FBXO3: variants seen among roughly 807,000 people sequenced by gnomAD.
The protein encoded by FBXO3 is F-box protein 3.
A neutral mutation model predicts 64.8 loss-of-function variants in FBXO3; 17 were observed. The ratio of observed to expected loss-of-function variants is 0.26; its 90% confidence interval spans 0.18 to 0.39. The LOEUF (loss-of-function observed/expected upper bound fraction) is 0.39, where lower values mean the gene tolerates loss of function less well. Among genes scored for constraint, FBXO3 ranks in the 10% least tolerant of loss-of-function variants. The pLI, the probability that FBXO3 is intolerant of heterozygous loss-of-function variation, is 1.00. For missense variants in FBXO3, 420 were observed against 589.9 expected (o/e 0.71, Z 2.98); for synonymous variants, 182 against 201.6 (o/e 0.90, Z 0.82).
In FBXO3 at chr11:33,751,335, T is replaced by C. The variant is rs761892780; in HGVS notation, c.809+188A>G. 1.2e-3 allele frequency among the ~76,000 whole-genome samples: 182 copies of C among 152,220 alleles called. 5 individuals carry two copies. Among genetic ancestry groups the C allele is most frequent in the Non-Finnish European group, 3.5e-4 (24 of 68,036 alleles). On this transcript the variant is annotated intron_variant, in intron 7 of 10. Coordinates refer to ENST00000265651, the MANE Select transcript of FBXO3 (RefSeq NM_012175.4). ...CTGGATAGGAAAAATACCAGTTGTCTAAGCATTTAGATGTTTGGCTTTAAA... is the reference window on the plus strand; with the variant it reads ...CTGGATAGGAAAAATACCAGTTGTCCAAGCATTTAGATGTTTGGCTTTAAA...
chr11:33,746,710 G>A (rs1854820796), intron 10 of FBXO3: 1 of 1,405,442 alleles, frequency 7.1e-7, no homozygotes, highest in Non-Finnish European at 9.5e-7. Context: ...TGATCCCAGA[G>A]AGACTGCCAA....
chr11:33,762,380 G>C (rs1162895717), intron 3 of FBXO3, among the ~76,000 whole-genome samples: 1 of 152,154 alleles, frequency 6.6e-6, no homozygotes, highest in East Asian at 1.9e-4. Flanking sequence ...GACCAAAATA[G>C]ATCACATACC....
chr11:33,749,928 G>A (rs994735748), intron 8 of FBXO3, among the ~76,000 whole-genome samples: 2 of 151,870 alleles, frequency 1.3e-5, no homozygotes, highest in Admixed American at 6.6e-5. Flanking sequence ...AATACTTCCA[G>A]TATGCATATA....
chr11:33,747,039 A>C (rs1417547483), intron 10 of FBXO3, 91 bp downstream of exon 10: 1 of 1,549,202 alleles, frequency 6.5e-7, no homozygotes, highest in Non-Finnish European at 8.6e-7. Flanking sequence ...TCTCTGGAAC[A>C]CTATTTATAA....
Position 33,751,605 on chromosome 11 carries a change from C to A in FBXO3, c.727G>T (p.Ala243Ser). 6 of 1,576,236 alleles carry A rather than the reference C, an allele frequency of 3.8e-6. No homozygotes were observed. Among genetic ancestry groups the A allele is most frequent in the Non-Finnish European group, 5.2e-6 (6 of 1,158,892 alleles). ...GAGGTAAACCAGTCAGTAAAAGTAG[C>A]ACCTATAAAGCAGGAAAGGGAGAAA... is the stretch of plus-strand genomic sequence containing the variant. ...PAAIDMFIIG[A>S]TFTDWFTSYV... Residue 243 changes from alanine (A) to serine (S), a missense_variant and splice_region_variant, in exon 7 of 11, where the codon GCT (alanine) becomes TCT (serine). This residue lies in a region of FBXO3 where 337 missense variants were observed against 518.4 expected (regional missense o/e 0.65). Coordinates refer to ENST00000265651, the MANE Select transcript of FBXO3 (RefSeq NM_012175.4).
intron 10 of FBXO3, chr11:33,746,833 G>C (rs1854824268): frequency 2.8e-6 from 4 of 1,413,064 alleles, no homozygotes; most frequent in Non-Finnish European, 3.7e-6. Flanking sequence ...TGTTTTCCCA[G>C]TCTTAAAGCT....
At chr11:33,768,698 G>C (rs1590587382) in intron 3 of FBXO3, 153 bp downstream of exon 3, 4 of 822,258 alleles carry the variant, frequency 4.9e-6, no homozygotes, top group East Asian at 2.4e-5. Context: ...CTAGAGTGAA[G>C]GTCCTACTTC....
At chr11:33,752,915 A>T (rs541388220) in intron 6 of FBXO3, among the ~76,000 whole-genome samples, 6 of 152,318 alleles carry the variant, frequency 3.9e-5, no homozygotes, top group African/African-American at 1.4e-4. Flanking sequence ...TTTTATTACA[A>T]TACGTACCAG....
chr11:33,751,129 C>A (rs1302072759), intron 7 of FBXO3, among the ~76,000 whole-genome samples: 1 of 152,210 alleles, frequency 6.6e-6, no homozygotes, highest in African/African-American at 2.4e-5. Flanking sequence ...GTACTCCCTA[C>A]AATACCTGAA....
intron 4 of FBXO3, 96 bp from the exon 5 acceptor site, chr11:33,756,071 T>C: frequency 2.2e-6 from 2 of 893,530 alleles, no homozygotes; most frequent in Admixed American, 2.0e-5. Context: ...CTCACAACTT[T>C]ATAAGTACTA....
intron 3 of FBXO3, among the ~76,000 whole-genome samples, chr11:33,761,307 GACAA>G (rs753824524): frequency 6.4e-4 from 98 of 151,998 alleles, no homozygotes; most frequent in African/African-American, 2.2e-3. Context: ...CTAATGAAAA[GACAA>G]ACAGATCAGA....
intron 4 of FBXO3, among the ~76,000 whole-genome samples, chr11:33,757,244 T>C (rs1855120822): frequency 6.6e-6 from 1 of 151,976 alleles, no homozygotes; most frequent in South Asian, 2.1e-4. Context: ...CTTACTTTCA[T>C]AAAAGTACAA....
At position 33,751,553 on chromosome 11, in the gene FBXO3, C is replaced by T; in HGVS notation, c.779G>A (p.Gly260Asp). Reference protein sequence around the residue: ...TSYVKNVVSGGFPIIRDQIFR... With the variant: ...TSYVKNVVSGDFPIIRDQIFR... ...AATTTGGTCTCTGATGATGGGGAAG[C>T]CACCTGATACAACATTTTTGACATA... The change falls in exon 7 of 11, where the codon GGC becomes GAC. Residue 260 changes from glycine to aspartate, a missense_variant. Gly to Asp is a moderately conservative substitution (Grantham distance 94). Around this residue, in one of 3 missense-constraint regions of FBXO3, gnomAD observed 337 missense variants for 518.4 expected, o/e 0.65. Transcript: ENST00000265651. 6.2e-7 allele frequency: 1 copy of T among 1,608,460 alleles called. No individual in the cohort carries two copies. The highest frequency in any genetic ancestry group is 8.5e-7 in the Non-Finnish European group (1 of 1,177,726).
In FBXO3 at chr11:33,741,836, G is replaced by T; in HGVS notation, c.*72C>A. ...CCTGCTATATGCAGAGAACAATTTAGTTATTTACATTATTGAGAAATCTAT... is the reference window on the plus strand; with the variant it reads ...CCTGCTATATGCAGAGAACAATTTATTTATTTACATTATTGAGAAATCTAT... On this transcript the variant is annotated 3_prime_UTR_variant, in exon 11 of 11. Transcript: ENST00000265651. The T allele has an allele frequency of 2.1e-6, 3 of 1,426,182 alleles. No individual in the cohort carries two copies. The highest frequency in any genetic ancestry group is 2.4e-5 in the Admixed American group (1 of 41,278). 88.3% of individuals were successfully genotyped at this position (1,426,182 alleles called of 1,614,324 possible). A position where few individuals can be genotyped will look rare whatever the true frequency, so the allele number is the denominator to read the frequency against.
intron 8 of FBXO3, among the ~76,000 whole-genome samples, chr11:33,749,216 G>T (rs1399355739): frequency 1.3e-5 from 2 of 152,170 alleles, no homozygotes; most frequent in African/African-American, 4.8e-5. Context: ...TTTGGCAAAT[G>T]CTTTCTAGAA....
At chr11:33,763,300 T>G in intron 3 of FBXO3, 1 of 442,552 alleles carries the variant, frequency 2.3e-6, no homozygotes, top group East Asian at 7.0e-5. Context: ...ACAAGAACAT[T>G]GCAAGAAAGG....
chr11:33,747,434 T>A, intron 9 of FBXO3, 114 bp from the exon 10 acceptor site: 1 of 806,016 alleles, frequency 1.2e-6, no homozygotes. Flanking sequence ...AATGCACAGT[T>A]AGAAAAAAAA....
At chr11:33,753,656 C>T (rs9735362) in intron 6 of FBXO3, 1 of 152,126 alleles carries the variant, frequency 6.6e-6, no homozygotes, top group African/African-American at 2.4e-5. Context: ...TGAAGTACAC[C>T]ATGAACGTGG....
At chr11:33,773,493 C>T (rs543268991) in intron 1 of FBXO3, 1 of 152,334 alleles carries the variant, frequency 6.6e-6, no homozygotes, top group Non-Finnish European at 1.5e-5. Flanking sequence ...ATCTCGCCCA[C>T]CTATCCTAAG....
Sources: allele counts gnomAD v4.1 joint callset (sites outside exome capture counted in the v4.1 genomes callset), GRCh38; gene constraint gnomAD v4.1.1; regional missense constraint gnomAD v4.1.1; transcripts MANE v1.5; gene names NCBI Gene and HGNC (gene_info 2026-07-23, HGNC 2026-07-21).